The following DSG3 variants were observed in gnomAD, a reference collection of about 807,000 sequenced individuals.
The protein encoded by DSG3 is desmoglein 3.
In DSG3, 63 loss-of-function variants were observed where a neutral mutation model predicts 85.9. That is an observed-to-expected ratio of 0.73 (90% CI 0.60 to 0.90). The LOEUF is 0.90. DSG3 is among the 40% of genes least tolerant of loss of function. The pLI is 0.00. For synonymous variants in DSG3, 447 were observed against 441.9 expected (o/e 1.01, Z -0.14); for missense variants, 1,220 against 1,219.9 (o/e 1.00, Z 0.00).
intron 15 of DSG3, among the ~76,000 whole-genome samples, chr18:31,474,622 G>A (rs1488604171): frequency 6.6e-6 from 1 of 152,140 alleles, no homozygotes; most frequent in Non-Finnish European, 1.5e-5. Context: ...AGGCACAGTG[G>A]TACATGCCTG....
Position 31,478,412 on chromosome 18 carries a change from AT to A in DSG3, c.*2154del, listed in dbSNP as rs1555668413. On this transcript the variant is annotated 3_prime_UTR_variant, in exon 16 of 16. Transcript: ENST00000257189. Reference sequence around the variant, plus strand: ...TACCGTGAAATGGGAATTTTGCTGCATTGTTAAACTGTAGTGGAAACCATGC... The same window carrying A: ...TACCGTGAAATGGGAATTTTGCTGCATGTTAAACTGTAGTGGAAACCATGC... 1 of 152,202 alleles carries A rather than the reference AT, an allele frequency of 6.6e-6. No homozygotes were observed. The highest frequency in any genetic ancestry group is 1.5e-5 in the Non-Finnish European group (1 of 68,038). The allele number at this position is 152,202 out of a possible 1,614,324, so 9.4% of individuals were successfully genotyped here.
At chr18:31,458,965 T>G in intron 4 of DSG3, 68 bp from the exon 5 acceptor site, 1 of 1,548,030 alleles carries the variant, frequency 6.5e-7, no homozygotes, top group Non-Finnish European at 8.8e-7. Flanking sequence ...GAGGCCTTAT[T>G]TATACAAGTT....
rs1298644377 is a variant in DSG3, at chr18:31,468,664, G to A, written c.1637-425G>A. On this transcript the variant is annotated intron_variant, in intron 11 of 15. Transcript: ENST00000257189. ...AGTAGTAAGAGTGTAAGACACTGCT[G>A]TGGTTGGAATAGGTCTTCCAAAGCT... Among the ~76,000 whole-genome samples, 4 of 152,330 alleles carry A rather than the reference G, an allele frequency of 2.6e-5. No individual in the cohort carries two copies. The South Asian group carries it at 8.3e-4, about 32-fold the overall frequency.
At chr18:31,456,379 T>C in intron 1 of DSG3, 61 bp from the exon 2 acceptor site, 1 of 992,534 alleles carries the variant, frequency 1.0e-6, no homozygotes, top group East Asian at 2.9e-5. Flanking sequence ...GATTATTCAT[T>C]GTATATAATT....
rs2072885355 is a variant in DSG3 at position 31,476,055 on chromosome 18, T to A, written c.2795T>A (p.Leu932Ter). The part of the protein sequence containing the change: ...IPDPLQHGNY[L>*]VTETYSASGS... The stretch of plus-strand genomic sequence containing the variant: ...GACCCTCTGCAGCATGGTAACTATT[T>A]AGTAACGGAGACTTACTCGGCTTCT... Residue 932 changes from leucine to a stop codon, truncating the protein, a stop_gained, in exon 16 of 16, where the codon TTA becomes TAA. Coordinates refer to ENST00000257189, the MANE Select transcript of DSG3 (RefSeq NM_001944.3). LOFTEE classifies it low-confidence loss of function (END_TRUNC). 1 of 1,614,114 alleles carries A rather than the reference T, an allele frequency of 6.2e-7. No individual in the cohort carries two copies. Among genetic ancestry groups the A allele is most frequent in the Admixed American group, 1.7e-5 (1 of 60,000 alleles).
At position 31,476,050 on chromosome 18, in the gene DSG3, C is replaced by G; in HGVS notation, c.2790C>G (p.Asn930Lys). The change falls in exon 16 of 16, where the codon AAC (asparagine) becomes AAG (lysine). Residue 930 changes from asparagine (N) to lysine (K), a missense_variant. Transcript: ENST00000257189. Reference protein sequence around the residue: ...VSIPDPLQHGNYLVTETYSAS... With the variant: ...VSIPDPLQHGKYLVTETYSAS... The stretch of plus-strand genomic sequence containing the variant: ...TCCCTGACCCTCTGCAGCATGGTAA[C>G]TATTTAGTAACGGAGACTTACTCGG... The G allele has an allele frequency of 6.2e-7, 1 of 1,614,218 alleles. No homozygotes were observed. The highest frequency in any genetic ancestry group is 1.1e-5 in the South Asian group (1 of 91,082).
Position 31,478,462 on chromosome 18 carries a change from A to G in DSG3, c.*2202A>G, listed in dbSNP as rs749828918. ...GCTATAGTAATAAAGGTTATATAAG[A>G]GAGAAATTGAAATTAAATGTGTTTT... On this transcript the variant is annotated 3_prime_UTR_variant, in exon 16 of 16. Coordinates refer to ENST00000257189, the MANE Select transcript of DSG3 (RefSeq NM_001944.3). 6.6e-6 allele frequency: 1 copy of G among 152,178 alleles called. No individual in the cohort carries two copies. Among genetic ancestry groups the G allele is most frequent in the Admixed American group, 6.5e-5 (1 of 15,282 alleles). 9.4% of individuals were successfully genotyped at this position (152,178 alleles called of 1,614,324 possible).
At chr18:31,452,389 C>T (rs185638347) in intron 1 of DSG3, among the ~76,000 whole-genome samples, 51 of 151,774 alleles carry the variant, frequency 3.4e-4, no homozygotes, top group South Asian at 6.3e-4. Flanking sequence ...CTTGGTGGTG[C>T]GCACCTGTAG....
rs368819436 is a variant in DSG3 at position 31,474,357 on chromosome 18, G to A, written c.2338G>A (p.Ala780Thr). 1.9e-5 allele frequency: 30 copies of A among 1,613,764 alleles called. No homozygotes were observed. Among genetic ancestry groups the A allele is most frequent in the Admixed American group, 1.2e-4 (7 of 59,980 alleles). The change falls in exon 15 of 16, where the codon GCT becomes ACT. Residue 780 changes from alanine to threonine, a missense_variant. By Grantham distance (58) the Ala-to-Thr change is moderately conservative. Transcript: ENST00000257189. Reference sequence around the variant, plus strand: ...CACTGGAGGAACCAATAAGGACTACGCTGATGGGGCGATAAGCATGAATTT... The same window carrying A: ...CACTGGAGGAACCAATAAGGACTACACTGATGGGGCGATAAGCATGAATTT... ...HSTGGTNKDY[A>T]DGAISMNFLD...
At chr18:31,455,907 C>G (rs1046822659) in intron 1 of DSG3, among the ~76,000 whole-genome samples, 1 of 152,198 alleles carries the variant, frequency 6.6e-6, no homozygotes, top group African/African-American at 2.4e-5. Flanking sequence ...GTTCTCTAAA[C>G]CAGACTGGTT....
At chr18:31,454,775 A>G (rs2072731913) in intron 1 of DSG3, among the ~76,000 whole-genome samples, 1 of 151,368 alleles carries the variant, frequency 6.6e-6, no homozygotes, top group Non-Finnish European at 1.5e-5. Flanking sequence ...CGGGTGGATC[A>G]CCTGAGGTCA....
intron 8 of DSG3, among the ~76,000 whole-genome samples, chr18:31,461,958 C>T (rs913188887): frequency 2.6e-5 from 4 of 152,210 alleles, no homozygotes; most frequent in African/African-American, 9.7e-5. Context: ...CTATGACAGA[C>T]TCCTTATCTG....
chr18:31,450,372 A>G (rs921211356), intron 1 of DSG3, among the ~76,000 whole-genome samples: 1 of 152,210 alleles, frequency 6.6e-6, no homozygotes, highest in Non-Finnish European at 1.5e-5. Context: ...GAGAATCTGG[A>G]CATGAATTGG....
Position 31,458,505 on chromosome 18 carries a change from G to A in DSG3, c.277G>A (p.Asp93Asn), listed in dbSNP as rs774736138. 10 of 1,614,076 alleles carry A rather than the reference G, an allele frequency of 6.2e-6. No individual in the cohort carries two copies. The Admixed American group carries it at 1.2e-4, about 19-fold the overall frequency. Residue 93 changes from aspartate to asparagine, a missense_variant, in exon 4 of 16, where the codon GAT (aspartate) becomes AAT (asparagine). By Grantham distance (23) the Asp-to-Asn change is conservative. Transcript: ENST00000257189. ...CTACCGAATCTCTGGAGTGGGAATC[G>A]ATCAGCCGCCTTTTGGAATCTTTGT... ...ITYRISGVGIDQPPFGIFVVD... is the reference protein window; with the variant it reads ...ITYRISGVGINQPPFGIFVVD...
intron 1 of DSG3, among the ~76,000 whole-genome samples, chr18:31,452,402 C>T (rs1028581766): frequency 6.6e-6 from 1 of 151,600 alleles, no homozygotes; most frequent in Non-Finnish European, 1.5e-5. Flanking sequence ...ACCTGTAGTT[C>T]CAGCTACTCG....
chr18:31,461,396 T>C lies in DSG3; in HGVS notation c.983T>C (p.Ile328Thr). The change falls in exon 8 of 16, where the codon ATC becomes ACC. Residue 328 changes from isoleucine (I) to threonine (T), a missense_variant. Transcript: ENST00000257189. The part of the protein sequence containing the change: ...IQTDPRTNEG[I>T]LKVVKALDYE... ...ACTGATCCTAGAACTAATGAAGGCA[T>C]CCTGAAAGTGGTGAAGGTAAGGTCT... is the stretch of plus-strand genomic sequence containing the variant. 1 of 1,612,856 alleles carries C rather than the reference T, an allele frequency of 6.2e-7. No individual in the cohort carries two copies. The highest frequency in any genetic ancestry group is 8.5e-7 in the Non-Finnish European group (1 of 1,179,672).
chr18:31,448,693 C>T (rs2072693583), intron 1 of DSG3, among the ~76,000 whole-genome samples: 3 of 149,862 alleles, frequency 2.0e-5, no homozygotes, highest in South Asian at 4.2e-4. Context: ...TTATCTGTTA[C>T]ACGGAGATAT....
chr18:31,471,570 C>A (rs551809489), intron 12 of DSG3, among the ~76,000 whole-genome samples: 1 of 152,230 alleles, frequency 6.6e-6, no homozygotes, highest in Admixed American at 6.5e-5. Context: ...GGCAGTGGGG[C>A]CACTGACAAC....
At position 31,473,557 on chromosome 18, in the gene DSG3, C is replaced by T. The variant is rs147146080; in HGVS notation, c.2102-564C>T. ...GTCTTCCTTTATCAGATGCTCCACT[C>T]CTCACCTGCTTTTCCCATTAGAATT... On this transcript the variant is annotated intron_variant, in intron 14 of 15. Coordinates refer to ENST00000257189, the MANE Select transcript of DSG3 (RefSeq NM_001944.3). Among the ~76,000 whole-genome samples the T allele has an allele frequency of 2.3e-3, 344 of 152,342 alleles. 3 individuals are homozygous for T. The highest frequency in any genetic ancestry group is 8.1e-3 in the African/African-American group (337 of 41,588).
Sources: gnomAD v4.1 joint callset for allele counts (sites outside exome capture counted in the v4.1 genomes callset) on GRCh38, gnomAD v4.1.1 for gene constraint, MANE v1.5 for transcripts, NCBI Gene and HGNC (gene_info 2026-07-23, HGNC 2026-07-21) for gene names.